KIF14: variants seen among roughly 807,000 people sequenced by gnomAD.
The protein encoded by KIF14 is kinesin family member 14.
A neutral mutation model predicts 176.2 loss-of-function variants in KIF14; 98 were observed. The ratio of observed to expected loss-of-function variants is 0.56; its 90% confidence interval spans 0.47 to 0.66. The LOEUF is 0.66. Ranked by LOEUF, KIF14 falls within the 30% of genes least tolerant of loss-of-function variation. The pLI, the probability that KIF14 is intolerant of heterozygous loss-of-function variation, is 0.00. For synonymous variants in KIF14, 566 were observed against 632.2 expected (o/e 0.90, Z 1.57); for missense variants, 1,751 against 1,920.4 (o/e 0.91, Z 1.65).
Position 200,592,241 on chromosome 1 carries a change from C to G in KIF14, c.2653-1G>C, listed in dbSNP as rs1659091963. On this transcript the variant is annotated splice_acceptor_variant, in intron 15 of 29. Transcript: ENST00000367350. LOFTEE classifies it high-confidence loss of function. ...CTCCACCAAGAATCACTCGATCACCCTAAAGCACACAAAAAAATGTACTAC... is the reference window on the plus strand; with the variant it reads ...CTCCACCAAGAATCACTCGATCACCGTAAAGCACACAAAAAAATGTACTAC... 2.5e-6 allele frequency: 4 copies of G among 1,597,970 alleles called. No homozygotes were observed. In the East Asian group the frequency reaches 8.9e-5, roughly 36 times the overall value.
chr1:200,587,488 T>C lies in KIF14; in HGVS notation c.3115-1261A>G, dbSNP rs919947607. 1.1e-4 allele frequency among the ~76,000 whole-genome samples: 16 copies of C among 151,904 alleles called. 1 individual carries two copies. Among genetic ancestry groups the C allele is most frequent in the Admixed American group, 6.6e-4 (10 of 15,244 alleles). On this transcript the variant is annotated intron_variant, in intron 18 of 29. Coordinates refer to ENST00000367350, the MANE Select transcript of KIF14 (RefSeq NM_014875.3). Reference sequence around the variant, plus strand: ...TTTAAAAGATACAAGAAATCTAGTTTAGTACAAATAAGCATTATAAGCCCA... The same window carrying C: ...TTTAAAAGATACAAGAAATCTAGTTCAGTACAAATAAGCATTATAAGCCCA...
intron 16 of KIF14, among the ~76,000 whole-genome samples, chr1:200,591,629 C>T (rs1004711548): frequency 6.6e-6 from 1 of 152,172 alleles, no homozygotes; most frequent in Non-Finnish European, 1.5e-5. Context: ...AACAAAAGTA[C>T]ACTCTCCCAG....
At chr1:200,610,173 G>T (rs1022664837) in intron 4 of KIF14, among the ~76,000 whole-genome samples, 1 of 152,072 alleles carries the variant, frequency 6.6e-6, no homozygotes. Context: ...ACTTTAAAGT[G>T]GTTAATTTGA....
intron 4 of KIF14, among the ~76,000 whole-genome samples, chr1:200,609,934 G>A (rs993997901): frequency 6.6e-6 from 1 of 152,202 alleles, no homozygotes; most frequent in Non-Finnish European, 1.5e-5. Flanking sequence ...AGTGAAAGAA[G>A]CCAGACACAA....
intron 16 of KIF14, among the ~76,000 whole-genome samples, chr1:200,591,052 A>C (rs776891446): frequency 3.3e-5 from 5 of 152,130 alleles, no homozygotes; most frequent in South Asian, 4.1e-4. Context: ...AACAAACAAA[A>C]AAAAAACCAC....
Position 200,554,560 on chromosome 1 carries a change from T to A in KIF14, c.4475A>T (p.Asp1492Val), listed in dbSNP as rs1346932695. 1 of 1,554,018 alleles carries A rather than the reference T, an allele frequency of 6.4e-7. No individual in the cohort carries two copies. Residue 1492 changes from aspartate (D) to valine (V), a missense_variant, in exon 29 of 30, where the codon GAT becomes GTT. By Grantham distance (152) the Asp-to-Val change is radical (BLOSUM62 -3). Coordinates refer to ENST00000367350, the MANE Select transcript of KIF14 (RefSeq NM_014875.3). ...AGCACGATTAACCATCCTCTTGAAA[T>A]CTTGGTATTCAAAGTTTTCTTCTTG... ...QVQEENFEYQ[D>V]FKRMVNRAPE...
At chr1:200,593,231 T>G (rs1233707178) in intron 15 of KIF14, among the ~76,000 whole-genome samples, 1 of 152,256 alleles carries the variant, frequency 6.6e-6, no homozygotes, top group African/African-American at 2.4e-5. Flanking sequence ...GCAGGATATA[T>G]AGAGTCACAA....
chr1:200,553,464 C>T lies in KIF14; in HGVS notation c.4871G>A (p.Arg1624His), dbSNP rs746476284. Residue 1624 changes from arginine (R) to histidine (H), a missense_variant, in exon 30 of 30, where the codon CGT becomes CAT. Coordinates refer to ENST00000367350, the MANE Select transcript of KIF14 (RefSeq NM_014875.3). ...DGSKNKGVPK[R>H]VYELHGSSPA... Reference sequence around the variant, plus strand: ...GGATGAGCCATGGAGCTCATAGACACGCTTTGGTACACCTTTATTCTTACT... The same window carrying T: ...GGATGAGCCATGGAGCTCATAGACATGCTTTGGTACACCTTTATTCTTACT... The T allele has an allele frequency of 1.5e-5, 25 of 1,613,920 alleles. No individual in the cohort carries two copies. The East Asian group carries it at 3.8e-4, about 24-fold the overall frequency.
At chr1:200,564,009 C>A (rs1354901613) in intron 25 of KIF14, among the ~76,000 whole-genome samples, 2 of 152,082 alleles carry the variant, frequency 1.3e-5, no homozygotes, top group African/African-American at 2.4e-5. Context: ...TGCCTGTAAT[C>A]CCAGCACTTT....
At chr1:200,590,325 C>A in intron 16 of KIF14, 53 bp from the exon 17 acceptor site, 1 of 1,454,416 alleles carries the variant, frequency 6.9e-7, no homozygotes, top group Admixed American at 2.2e-5. Context: ...CTTTATACAT[C>A]ATAATAGTTC....
Position 200,605,291 on chromosome 1 carries a change from G to T in KIF14, c.1738C>A (p.Gln580Lys), listed in dbSNP as rs764973462. 1.2e-6 allele frequency: 2 copies of T among 1,610,428 alleles called. No individual in the cohort carries two copies. The highest frequency in any genetic ancestry group is 1.7e-6 in the Non-Finnish European group (2 of 1,177,218). ...SHSVFTLVMT[Q>K]TKTEFVEGEE... ...ACTTTTAAAAAAAATACCTTGGTCT[G>T]GGTCATCACCAGGGTGAAAACTGAA... Residue 580 changes from glutamine (Q) to lysine (K), a missense_variant, in exon 8 of 30, where the codon CAG (glutamine) becomes AAG (lysine). Physicochemically the swap from Gln to Lys is moderately conservative, Grantham distance 53 (BLOSUM62 1). Transcript: ENST00000367350.
rs71135371 is a variant in KIF14 at position 200,584,215 on chromosome 1, C to CAAAA, written c.3241+1882_3241+1885dup. ...CCTGCCAACACATAAGACTCTGTTT[C>CAAAA]AAAAAAAAAAAAAAAAGGTCTCACA... is the stretch of plus-strand genomic sequence containing the variant. On this transcript the variant is annotated intron_variant, in intron 19 of 29. Transcript: ENST00000367350. 4.3e-4 allele frequency among the ~76,000 whole-genome samples: 58 copies of CAAAA among 135,136 alleles called. 2 individuals carry two copies. The East Asian group carries it at 6.7e-3, about 16-fold the overall frequency. 88.7% of individuals were successfully genotyped at this position (135,136 alleles called of 152,430 possible).
chr1:200,578,104 T>C (rs1658233393), intron 21 of KIF14, among the ~76,000 whole-genome samples: 1 of 152,186 alleles, frequency 6.6e-6, no homozygotes, highest in African/African-American at 2.4e-5. Context: ...TAAAGTTTTA[T>C]AGGTAACATA....
chr1:200,573,427 C>CTTTTTTTT lies in KIF14; in HGVS notation c.3566+2156_3566+2163dup, dbSNP rs869174532. Among the ~76,000 whole-genome samples the CTTTTTTTT allele has an allele frequency of 1.4e-3, 109 of 77,742 alleles. 8 individuals are homozygous for CTTTTTTTT. Among genetic ancestry groups the CTTTTTTTT allele is most frequent in the African/African-American group, 5.0e-3 (87 of 17,556 alleles). The allele number at this position is 77,742 out of a possible 152,430, so 51.0% of individuals were successfully genotyped here. Reference sequence around the variant, plus strand: ...TTCCCTACACTCAAGGAGCTCATTTCTTTTTTTTTTTTTTTTTTTTTTTTG... The same window carrying CTTTTTTTT: ...TTCCCTACACTCAAGGAGCTCATTTCTTTTTTTTTTTTTTTTTTTTTTTTTTTTTTTTG... On this transcript the variant is annotated intron_variant, in intron 22 of 29. Coordinates refer to ENST00000367350, the MANE Select transcript of KIF14 (RefSeq NM_014875.3).
chr1:200,609,521 C>T (rs1445776540), intron 4 of KIF14, among the ~76,000 whole-genome samples: 4 of 152,204 alleles, frequency 2.6e-5, no homozygotes, highest in Middle Eastern at 3.4e-3. Context: ...TGGTGCCGGG[C>T]GCCTGTAATC....
At chr1:200,601,132 G>A (rs762697015) in intron 11 of KIF14, among the ~76,000 whole-genome samples, 5 of 152,080 alleles carry the variant, frequency 3.3e-5, no homozygotes, top group Middle Eastern at 3.2e-3. Flanking sequence ...GTCCGCCTGC[G>A]TTAGCCTCTC....
At chr1:200,575,523 AC>A in intron 22 of KIF14, 67 bp downstream of exon 22, 2 of 128,046 alleles carry the variant, frequency 1.6e-5, no homozygotes, top group South Asian at 1.6e-4. Context: ...TATACAATTT[AC>A]ACACACACAC....
In KIF14 at chr1:200,591,253, T is replaced by C. The variant is rs186150320; in HGVS notation, c.2813+827A>G. On this transcript the variant is annotated intron_variant, in intron 16 of 29. Coordinates refer to ENST00000367350, the MANE Select transcript of KIF14 (RefSeq NM_014875.3). ...AACCAGTTCTTGATTCCTCCTCCTTTCATCCTCTTTAGTCACCAGGCCTTG... is the reference window on the plus strand; with the variant it reads ...AACCAGTTCTTGATTCCTCCTCCTTCCATCCTCTTTAGTCACCAGGCCTTG... Among the ~76,000 whole-genome samples the C allele has an allele frequency of 2.3e-3, 349 of 152,302 alleles. 2 individuals are homozygous for C. Among genetic ancestry groups the C allele is most frequent in the African/African-American group, 7.9e-3 (329 of 41,564 alleles).
intron 23 of KIF14, among the ~76,000 whole-genome samples, chr1:200,568,421 A>T (rs2102603608): frequency 6.6e-6 from 1 of 152,350 alleles, no homozygotes; most frequent in Non-Finnish European, 1.5e-5. Flanking sequence ...TTCCTAAAAG[A>T]AACCCTAATT....
Sources: allele counts gnomAD v4.1 joint callset (sites outside exome capture counted in the v4.1 genomes callset), GRCh38; gene constraint gnomAD v4.1.1; transcripts MANE v1.5; gene names NCBI Gene and HGNC (gene_info 2026-07-23, HGNC 2026-07-21).